The following SLC35F4 variants were observed in gnomAD, a reference collection of about 807,000 sequenced individuals.
The protein encoded by SLC35F4 is solute carrier family 35 member F4.
A neutral mutation model predicts 44.2 loss-of-function variants in SLC35F4; 24 were observed. The observed-to-expected ratio is 0.54, with a 90% confidence interval of 0.39 to 0.76. The LOEUF is 0.76. Ranked by LOEUF, SLC35F4 falls within the 30% of genes least tolerant of loss-of-function variation. SLC35F4 has a pLI of 0.00. For missense variants in SLC35F4, 562 were observed against 586.1 expected (o/e 0.96, Z 0.42); for synonymous variants, 238 against 223.6 (o/e 1.06, Z -0.57).
intron 4 of SLC35F4, among the ~76,000 whole-genome samples, chr14:57,580,715 T>G (rs576877678): frequency 2.0e-5 from 3 of 152,242 alleles, no homozygotes; most frequent in African/African-American, 7.2e-5. Flanking sequence ...TCACACTAGA[T>G]ATATAGTCAC....
rs1321848321 is a variant in SLC35F4, at chr14:57,566,581, G to A, written c.1127-17C>T. On this transcript the variant is annotated splice_polypyrimidine_tract_variant and intron_variant, in intron 6 of 7. Coordinates refer to ENST00000556826, the MANE Select transcript of SLC35F4 (RefSeq NM_001306087.2). ...TGTTGAAGGCTGTAAAATAGAGGAG[G>A]AAATGCAAGATGAAAGAGAAATAAT... The A allele has an allele frequency of 3.8e-6, 6 of 1,578,312 alleles. No homozygotes were observed. The African/African-American group carries it at 8.1e-5, about 21-fold the overall frequency.
intron 1 of SLC35F4, chr14:57,596,965 A>C: frequency 4.5e-6 from 5 of 1,121,090 alleles, no homozygotes; most frequent in South Asian, 2.7e-5. Context: ...CTGGAGACGT[A>C]TTCAGGGGTT....
chr14:57,787,631 A>G (rs1183733358), intron 1 of SLC35F4, among the ~76,000 whole-genome samples: 1 of 152,238 alleles, frequency 6.6e-6, no homozygotes, highest in African/African-American at 2.4e-5. Context: ...AACAATTATC[A>G]GCCAAGAATT....
chr14:57,961,400 G>C (rs1057455737), intron 1 of SLC35F4, among the ~76,000 whole-genome samples: 4 of 152,162 alleles, frequency 2.6e-5, no homozygotes, highest in African/African-American at 9.7e-5. Context: ...CCTGAGGAGA[G>C]AGGAGAGTCC....
At chr14:57,790,002 A>C (rs555811586) in intron 1 of SLC35F4, among the ~76,000 whole-genome samples, 28 of 152,312 alleles carry the variant, frequency 1.8e-4, no homozygotes, top group African/African-American at 6.3e-4. Flanking sequence ...CCTCAAAATA[A>C]TAAGAGCCAT....
chr14:57,966,914 G>A (rs1339435350), intron 1 of SLC35F4, among the ~76,000 whole-genome samples: 3 of 152,010 alleles, frequency 2.0e-5, no homozygotes, highest in African/African-American at 4.8e-5. Flanking sequence ...GGAGACCGAG[G>A]CAGGAGAATC....
At chr14:57,875,391 C>A (rs1375579661) in intron 1 of SLC35F4, among the ~76,000 whole-genome samples, 3 of 152,226 alleles carry the variant, frequency 2.0e-5, no homozygotes, top group African/African-American at 7.2e-5. Flanking sequence ...GCTTTTACTG[C>A]ATACCAAACA....
intron 1 of SLC35F4, among the ~76,000 whole-genome samples, chr14:57,621,202 T>C (rs113285417): frequency 0.065 from 9,870 of 150,886 alleles, 907 homozygotes; most frequent in African/African-American, 0.21. Context: ...TCCATGCTCA[T>C]GGGTAGGAAG....
At chr14:57,717,707 TCTTTTA>T (rs1418972860) in intron 1 of SLC35F4, among the ~76,000 whole-genome samples, 8 of 152,210 alleles carry the variant, frequency 5.3e-5, no homozygotes, top group South Asian at 2.1e-4. Context: ...AACTTTAATT[TCTTTTA>T]CTTTTAATTT....
At chr14:57,791,149 T>A (rs1214799768) in intron 1 of SLC35F4, among the ~76,000 whole-genome samples, 1 of 152,096 alleles carries the variant, frequency 6.6e-6, no homozygotes, top group African/African-American at 2.4e-5. Context: ...CTAATTAAAC[T>A]AAAGAGCTTT....
intron 1 of SLC35F4, among the ~76,000 whole-genome samples, chr14:57,847,960 A>T (rs1241645092): frequency 6.6e-6 from 1 of 152,238 alleles, no homozygotes; most frequent in Non-Finnish European, 1.5e-5. Flanking sequence ...TTTCACTAAA[A>T]TAACGATGAA....
rs1015356361 is a variant in SLC35F4, at chr14:57,594,015, A to G, written c.213T>C (p.Ser71=). 9.3e-6 allele frequency: 15 copies of G among 1,613,958 alleles called. No homozygotes were observed. Among genetic ancestry groups the G allele is most frequent in the African/African-American group, 2.7e-5 (2 of 75,050 alleles). ...LSPLSVTEDS[S]APILELQNQG... Reference sequence around the variant, plus strand: ...GGTTTTGAAGTTCAAGAATAGGAGCAGAGGAATCTTCGGTGACAGACAGTG... The same window carrying G: ...GGTTTTGAAGTTCAAGAATAGGAGCGGAGGAATCTTCGGTGACAGACAGTG... Residue 71 remains serine, a synonymous_variant, in exon 2 of 8, where the codon TCT becomes TCC. Transcript: ENST00000556826.
chr14:57,615,350 A>T (rs2346985), intron 1 of SLC35F4, among the ~76,000 whole-genome samples: 102,097 of 150,578 alleles, frequency 0.68, 35,247 homozygotes, highest in Non-Finnish European at 0.75. Flanking sequence ...AGAAACAAAC[A>T]TTTTCCTTTT....
intron 1 of SLC35F4, among the ~76,000 whole-genome samples, chr14:57,838,399 G>A (rs1367749300): frequency 4.6e-5 from 7 of 152,298 alleles, no homozygotes; most frequent in Admixed American, 6.5e-5. Context: ...CCAGCAATAC[G>A]TATGTCTGAG....
intron 4 of SLC35F4, among the ~76,000 whole-genome samples, chr14:57,572,387 T>C (rs2068558310): frequency 6.6e-6 from 1 of 152,202 alleles, no homozygotes; most frequent in African/African-American, 2.4e-5. Flanking sequence ...CTCTTCTGTA[T>C]TTCATCTATT....
chr14:57,708,092 C>G (rs566313565), intron 1 of SLC35F4, among the ~76,000 whole-genome samples: 1 of 152,330 alleles, frequency 6.6e-6, no homozygotes, highest in South Asian at 2.1e-4. Flanking sequence ...ACCTCCCCCA[C>G]TTGCTCCTGG....
intron 1 of SLC35F4, among the ~76,000 whole-genome samples, chr14:57,844,767 A>G (rs1055411889): frequency 3.9e-5 from 6 of 152,184 alleles, no homozygotes; most frequent in African/African-American, 1.4e-4. Context: ...ACCTCGAAGG[A>G]GTCAAGTTGG....
At chr14:57,673,690 G>C (rs2074594673) in intron 1 of SLC35F4, among the ~76,000 whole-genome samples, 1 of 151,862 alleles carries the variant, frequency 6.6e-6, no homozygotes, top group African/African-American at 2.4e-5. Flanking sequence ...TTTGGTGGGG[G>C]TGGGAGGAGG....
chr14:57,708,694 TAAAAG>T (rs1369630275), intron 1 of SLC35F4, among the ~76,000 whole-genome samples: 1 of 152,000 alleles, frequency 6.6e-6, no homozygotes, highest in Non-Finnish European at 1.5e-5. Context: ...GACAAAGAGA[TAAAAG>T]AAAAGACAGC....
Sources: gnomAD v4.1 joint callset for allele counts (sites outside exome capture counted in the v4.1 genomes callset) on GRCh38, gnomAD v4.1.1 for gene constraint, MANE v1.5 for transcripts, NCBI Gene and HGNC (gene_info 2026-07-23, HGNC 2026-07-21) for gene names.